The following LRP6 variants were observed in gnomAD, a reference collection of about 807,000 sequenced individuals.
The protein encoded by LRP6 is LDL receptor related protein 6, also known as low-density lipoprotein receptor-related protein 6.
LRP6 carries 43 observed loss-of-function variants against 184.1 expected under a neutral mutation model. That is an observed-to-expected ratio of 0.23 (90% CI 0.18 to 0.30). The LOEUF (loss-of-function observed/expected upper bound fraction) is 0.30. LRP6 is among the 10% of genes least tolerant of loss of function. The probability of loss-of-function intolerance (pLI) is 1.00; values close to 1 mark genes in which losing one functional copy is unlikely to be tolerated. For synonymous variants in LRP6, 719 were observed against 684.9 expected, an observed-to-expected ratio of 1.05 and a Z score of -0.78; for missense variants, 1,571 against 2,005.3, an observed-to-expected ratio of 0.78 and a Z score of 4.14.
intron 2 of LRP6, among the ~76,000 whole-genome samples, chr12:12,242,270 C>A (rs996639230): frequency 1.3e-5 from 2 of 152,110 alleles, no homozygotes; most frequent in African/African-American, 4.8e-5. Context: ...AAAAAGTTGT[C>A]TCTCCCAAGT....
At chr12:12,250,931 TC>T (rs746153353) in intron 1 of LRP6, among the ~76,000 whole-genome samples, 47 of 151,610 alleles carry the variant, frequency 3.1e-4, no homozygotes, top group Non-Finnish European at 3.8e-4. Context: ...TTGATTTTTT[TC>T]TTCTTCTTCG....
At chr12:12,213,678 A>G (rs1026541706) in intron 2 of LRP6, among the ~76,000 whole-genome samples, 1 of 152,090 alleles carries the variant, frequency 6.6e-6, no homozygotes, top group Admixed American at 6.6e-5. Context: ...GACATGAGAT[A>G]CTGATATAAA....
At chr12:12,128,407 TC>T (rs1949702598) in intron 19 of LRP6, among the ~76,000 whole-genome samples, 1 of 152,222 alleles carries the variant, frequency 6.6e-6, no homozygotes, top group Non-Finnish European at 1.5e-5. Context: ...CTTCTTACTG[TC>T]CTGGGAGATT....
At position 12,119,990 on chromosome 12, in the gene LRP6, A is replaced by AAAATAT. The variant is rs1949576016; in HGVS notation, c.*1135_*1136insATATTT. On this transcript the variant is annotated 3_prime_UTR_variant, in exon 23 of 23. Transcript: ENST00000261349. Reference sequence around the variant, plus strand: ...ACTCAGAAAACAAACAAACAAACAAAATATATATATATATATATATATATA... The same window carrying AAAATAT: ...ACTCAGAAAACAAACAAACAAACAAAAAATATATATATATATATATATATATATATA... 2.2e-5 allele frequency: 1 copy of AAAATAT among 45,514 alleles called. No individual in the cohort carries two copies. The allele number at this position is 45,514 out of a possible 1,614,324, so 2.8% of individuals were successfully genotyped here.
chr12:12,154,278 G>A (rs374589423), intron 12 of LRP6, among the ~76,000 whole-genome samples: 3 of 151,824 alleles, frequency 2.0e-5, no homozygotes, highest in Non-Finnish European at 4.4e-5. Flanking sequence ...TATCCGCATA[G>A]CTCATTTCCT....
intron 3 of LRP6, among the ~76,000 whole-genome samples, chr12:12,199,400 G>A (rs1179268048): frequency 6.6e-6 from 1 of 152,120 alleles, no homozygotes; most frequent in Non-Finnish European, 1.5e-5. Context: ...AGGAAAAAAG[G>A]AGCTATTACT....
chr12:12,167,537 G>A (rs977565336), intron 7 of LRP6, among the ~76,000 whole-genome samples: 16 of 152,026 alleles, frequency 1.1e-4, no homozygotes, highest in African/African-American at 3.9e-4. Flanking sequence ...CAGCTACTCG[G>A]GAGGCTGAGG....
intron 2 of LRP6, among the ~76,000 whole-genome samples, chr12:12,225,175 T>C (rs1864586828): frequency 6.6e-6 from 1 of 152,120 alleles, no homozygotes; most frequent in African/African-American, 2.4e-5. Flanking sequence ...ATCACGCCAC[T>C]GCACTCCAGC....
chr12:12,191,677 A>G (rs1375512343), intron 3 of LRP6, among the ~76,000 whole-genome samples: 1 of 152,146 alleles, frequency 6.6e-6, no homozygotes, highest in African/African-American at 2.4e-5. Context: ...CAAAGTATTT[A>G]AAGTAAGATA....
intron 1 of LRP6, among the ~76,000 whole-genome samples, chr12:12,251,376 T>C (rs1246754810): frequency 6.6e-6 from 1 of 152,032 alleles, no homozygotes; most frequent in Non-Finnish European, 1.5e-5. Context: ...TTGATTTTTG[T>C]TTTTTGAGAT....
chr12:12,232,199 T>C (rs1355458897), intron 2 of LRP6, among the ~76,000 whole-genome samples: 1 of 151,642 alleles, frequency 6.6e-6, no homozygotes, highest in East Asian at 1.9e-4. Context: ...CTGGCTAACA[T>C]GGTGAAACCC....
intron 19 of LRP6, among the ~76,000 whole-genome samples, chr12:12,130,067 A>C (rs1292353233): frequency 6.6e-6 from 1 of 152,188 alleles, no homozygotes; most frequent in Non-Finnish European, 1.5e-5. Context: ...TCTTATAGGC[A>C]TCAGGTTAAG....
At chr12:12,153,972 T>A (rs1348874111) in intron 12 of LRP6, among the ~76,000 whole-genome samples, 3 of 152,226 alleles carry the variant, frequency 2.0e-5, no homozygotes, top group African/African-American at 7.2e-5. Flanking sequence ...GCCAGGGGCA[T>A]TGAGTAGGAA....
rs1028270077 is a variant in LRP6 at position 12,149,064 on chromosome 12, G to C, written c.3084C>G (p.Ile1028Met). 2.5e-6 allele frequency: 4 copies of C among 1,613,932 alleles called. No homozygotes were observed. The African/African-American group carries it at 5.3e-5, about 22-fold the overall frequency. The part of the protein sequence containing the change: ...DLSIDIYSRY[I>M]YWTCEATNVI... The stretch of plus-strand genomic sequence containing the variant: ...CATTGGTAGCCTCACAAGTCCAGTA[G>C]ATGTAGCGGCTGTAAATATCAATGC... The change falls in exon 14 of 23, where the codon ATC becomes ATG. Residue 1028 changes from isoleucine to methionine, a missense_variant. Transcript: ENST00000261349.
chr12:12,172,092 C>T (rs1440427303), intron 7 of LRP6, among the ~76,000 whole-genome samples: 3 of 152,212 alleles, frequency 2.0e-5, no homozygotes, highest in Non-Finnish European at 4.4e-5. Flanking sequence ...AATCTGACAA[C>T]TCTTAAGGGT....
intron 7 of LRP6, among the ~76,000 whole-genome samples, chr12:12,172,761 ATATT>A (rs1196453307): frequency 6.6e-6 from 1 of 152,252 alleles, no homozygotes; most frequent in Non-Finnish European, 1.5e-5. Context: ...AAAACACAGA[ATATT>A]TATCCACGGA....
rs532115834 is a variant in LRP6, at chr12:12,199,559, A to C, written c.647+3644T>G. 1.8e-4 allele frequency among the ~76,000 whole-genome samples: 28 copies of C among 152,360 alleles called. No individual in the cohort carries two copies. In the Middle Eastern group the frequency reaches 0.01, roughly 56 times the overall value. ...ACATAAGTGAGTGAGAGCGTCTCTC[A>C]GACAGCTTTCTGATGGTTCTCTGGA... On this transcript the variant is annotated intron_variant, in intron 3 of 22. Transcript: ENST00000261349.
chr12:12,233,067 G>C (rs1291250811), intron 2 of LRP6, among the ~76,000 whole-genome samples: 1 of 152,074 alleles, frequency 6.6e-6, no homozygotes, highest in Non-Finnish European at 1.5e-5. Flanking sequence ...CTACCTATGA[G>C]GCATTCATGT....
chr12:12,262,640 CA>C (rs1865648135), intron 1 of LRP6, among the ~76,000 whole-genome samples: 1 of 151,196 alleles, frequency 6.6e-6, no homozygotes, highest in African/African-American at 2.4e-5. Context: ...ATATTCTTAT[CA>C]AAAATACTTC....
Sources: gnomAD v4.1 joint callset for allele counts (sites outside exome capture counted in the v4.1 genomes callset) on GRCh38, gnomAD v4.1.1 for gene constraint, MANE v1.5 for transcripts, NCBI Gene and HGNC (gene_info 2026-07-23, HGNC 2026-07-21) for gene names.